Variants in PACRGL observed in about 807,000 individuals in gnomAD.
The protein encoded by PACRGL is parkin coregulated like, also known as PACRG-like protein.
PACRGL carries 38 observed loss-of-function variants against 34.5 expected under a neutral mutation model. The ratio of observed to expected loss-of-function variants is 1.10; its 90% CI spans 0.85 to 1.44. The LOEUF (loss-of-function observed/expected upper bound fraction) is 1.44, where lower values mean the gene tolerates loss of function less well. PACRGL is among the 40% of genes most tolerant of loss of function. The pLI is 0.00. For synonymous variants in PACRGL, 128 were observed against 100.1 expected (o/e 1.28, Z -1.66); for missense variants, 305 against 281.4 (o/e 1.08, Z -0.60).
chr4:20,748,558 TTTTATA>T lies in PACRGL; in HGVS notation c.*57-4005_*57-4000del, dbSNP rs1368410729. On this transcript the variant is annotated intron_variant, in intron 8 of 8. Transcript: ENST00000507634. The stretch of plus-strand genomic sequence containing the variant: ...TCCAAAAATAAATGCACCTTCCAAA[TTTTATA>T]TATATATATATATATATATATATAT... Among the ~76,000 whole-genome samples the T allele has an allele frequency of 9.6e-3, 1,133 of 118,454 alleles. 26 individuals are homozygous for T. The highest frequency in any genetic ancestry group is 0.023 in the Middle Eastern group (5 of 216). The allele number at this position is 118,454 out of a possible 152,430, so 77.7% of individuals were successfully genotyped here. A position where few individuals can be genotyped will look rare whatever the true frequency, so the allele number is the denominator to read the frequency against.
chr4:20,749,796 AGCAG>A, intron 8 of PACRGL: 3 of 1,040,324 alleles, frequency 2.9e-6, no homozygotes, highest in African/African-American at 1.6e-5. Context: ...AGACTTGGAT[AGCAG>A]TCCAAGCTTC....
At chr4:20,719,685 G>T (rs1742034553) in intron 7 of PACRGL, among the ~76,000 whole-genome samples, 2 of 152,114 alleles carry the variant, frequency 1.3e-5, no homozygotes. Context: ...TTGCACTGTG[G>T]TCTGAGAGAC....
At chr4:20,766,310 T>C in the PACRGL span, among the ~76,000 whole-genome samples, 1 of 152,178 alleles carries the variant, frequency 6.6e-6, no homozygotes, top group Non-Finnish European at 1.5e-5. Flanking sequence ...GGGTCATGCC[T>C]GTAATCCCAG....
intron 8 of PACRGL, among the ~76,000 whole-genome samples, chr4:20,744,251 A>T (rs1247878158): frequency 6.6e-6 from 1 of 152,214 alleles, no homozygotes; most frequent in Non-Finnish European, 1.5e-5. Flanking sequence ...CAGCAATCCC[A>T]TTACTGGGTA....
chr4:20,721,918 C>T (rs1235278865), intron 7 of PACRGL, among the ~76,000 whole-genome samples: 1 of 152,200 alleles, frequency 6.6e-6, no homozygotes, highest in African/African-American at 2.4e-5. Context: ...GCCCTGCCCC[C>T]AGAGGTGGAG....
At chr4:20,766,814 G>C in the PACRGL span, 1 of 152,160 alleles carries the variant, frequency 6.6e-6, no homozygotes, top group Non-Finnish European at 1.5e-5. Flanking sequence ...GAGGAATCTA[G>C]TGCAGTGCTT....
intron 1 of PACRGL, chr4:20,701,557 C>G (rs908909669): frequency 2.0e-5 from 5 of 254,886 alleles, no homozygotes; most frequent in Non-Finnish European, 3.2e-5. Context: ...ACACCATCCT[C>G]TACATGTTAT....
At chr4:20,716,326 A>G in intron 7 of PACRGL, 1 of 576,196 alleles carries the variant, frequency 1.7e-6, no homozygotes, top group Non-Finnish European at 3.0e-6. Context: ...GAAGTTATTC[A>G]TGCAGTGTTT....
At position 20,732,151 on chromosome 4, in the gene PACRGL, A is replaced by C. The variant is rs1748447904; in HGVS notation, c.*4810A>C. 1 of 926,402 alleles carries C rather than the reference A, an allele frequency of 1.1e-6. No homozygotes were observed. Among genetic ancestry groups the C allele is most frequent in the African/African-American group, 1.7e-5 (1 of 60,070 alleles). The allele number at this position is 926,402 out of a possible 1,614,324, so 57.4% of individuals were successfully genotyped here. On this transcript the variant is annotated 3_prime_UTR_variant, in exon 9 of 9. Transcript: ENST00000503585. ...TGGACCAAATGAGCTGAAGCTGATA[A>C]AAAGAAAACCTAGCTGCTTATTTAT...
intron 1 of PACRGL, chr4:20,702,518 T>C (rs1360523382): frequency 5.5e-6 from 1 of 181,408 alleles, no homozygotes; most frequent in African/African-American, 2.4e-5. Context: ...ATGTGGCCCT[T>C]ACTGCATGCC....
chr4:20,703,075 T>C (rs1370995531), intron 1 of PACRGL, among the ~76,000 whole-genome samples: 1 of 152,164 alleles, frequency 6.6e-6, no homozygotes, highest in Admixed American at 6.5e-5. Context: ...TTCTAACTTG[T>C]TAAGTGGATT....
rs1279153048 is a variant in PACRGL, at chr4:20,700,805, C to A, written c.-17+18C>A. On this transcript the variant is annotated intron_variant, in intron 1 of 8. Coordinates refer to ENST00000503585, the MANE Select transcript of PACRGL (RefSeq NM_001258345.3). Reference sequence around the variant, plus strand: ...TGAAACTGGTAAACTCCTCCCTCGGCCCCTTTAAAAAATCTCTGTTTTTTC... The same window carrying A: ...TGAAACTGGTAAACTCCTCCCTCGGACCCTTTAAAAAATCTCTGTTTTTTC... 1 of 152,238 alleles carries A rather than the reference C, an allele frequency of 6.6e-6. No individual in the cohort carries two copies. The highest frequency in any genetic ancestry group is 2.4e-5 in the African/African-American group (1 of 41,404). The allele number at this position is 152,238 out of a possible 1,614,324, so 9.4% of individuals were successfully genotyped here.
the PACRGL span, chr4:20,758,916 A>G: frequency 8.1e-6 from 13 of 1,597,532 alleles, no homozygotes; most frequent in South Asian, 1.4e-4. Context: ...GAGAAGCAAT[A>G]TGAGCAAAGT....
chr4:20,730,224 C>G lies in PACRGL; in HGVS notation c.*2883C>G, dbSNP rs1560398322. 7.1e-7 allele frequency: 1 copy of G among 1,400,826 alleles called. No individual in the cohort carries two copies. Among genetic ancestry groups the G allele is most frequent in the Admixed American group, 2.5e-5 (1 of 39,756 alleles). The allele number at this position is 1,400,826 out of a possible 1,614,324, so 86.8% of individuals were successfully genotyped here. A position where few individuals can be genotyped will look rare whatever the true frequency, so the allele number is the denominator to read the frequency against. On this transcript the variant is annotated 3_prime_UTR_variant, in exon 9 of 9. Transcript: ENST00000503585. ...GAGTATTGCCTCCTCCCATCAACCA[C>G]CTCAACCACCTATGCCAAAAGCTCA...
At chr4:20,756,512 T>C (rs1754467256), downstream of PACRGL, among the ~76,000 whole-genome samples, 2 of 152,204 alleles carry the variant, frequency 1.3e-5, no homozygotes, top group African/African-American at 4.8e-5. Flanking sequence ...CACTGGTATC[T>C]ACCCAGCACT....
At chr4:20,701,768 A>G (rs1002685661) in intron 1 of PACRGL, 1 of 442,784 alleles carries the variant, frequency 2.3e-6, no homozygotes, top group South Asian at 1.6e-5. Context: ...TCTCTTTCAG[A>G]TACCCAAATC....
At chr4:20,709,976 A>G (rs1187248468) in intron 5 of PACRGL, 4 of 480,942 alleles carry the variant, frequency 8.3e-6, no homozygotes, top group Non-Finnish European at 1.5e-5. Context: ...CTTTATAAAC[A>G]TGGAATTAGT....
At chr4:20,745,411 A>G (rs893191631) in intron 8 of PACRGL, among the ~76,000 whole-genome samples, 2 of 152,198 alleles carry the variant, frequency 1.3e-5, no homozygotes, top group African/African-American at 4.8e-5. Context: ...TACTCAAAAC[A>G]GGAATGATAT....
intron 1 of PACRGL, among the ~76,000 whole-genome samples, chr4:20,704,232 A>C (rs1733538259): frequency 6.6e-6 from 1 of 152,204 alleles, no homozygotes; most frequent in African/African-American, 2.4e-5. Context: ...ATGGAAAAAA[A>C]GTTGACTTTT....
Sources: allele counts gnomAD v4.1 joint callset (sites outside exome capture counted in the v4.1 genomes callset), GRCh38; gene constraint gnomAD v4.1.1; transcripts MANE v1.5; gene names NCBI Gene and HGNC (gene_info 2026-07-23, HGNC 2026-07-21).